The following PPARG variants were observed in gnomAD, a reference collection of about 807,000 sequenced individuals.
PPARG encodes peroxisome proliferator-activated receptor gamma.
PPARG carries 17 observed loss-of-function variants against 39.2 expected under a neutral mutation model. The observed-to-expected ratio is 0.43, with a 90% CI of 0.30 to 0.65. The LOEUF (loss-of-function observed/expected upper bound fraction) is 0.65. PPARG is among the 30% of genes least tolerant of loss of function. The pLI, the probability that PPARG is intolerant of heterozygous loss-of-function variation, is 0.13. For synonymous variants in PPARG, 223 were observed against 215.7 expected (o/e 1.03, Z -0.30); for missense variants, 406 against 585.9 (o/e 0.69, Z 3.17).
intron 2 of PPARG, among the ~76,000 whole-genome samples, chr3:12,347,758 T>A (rs1026800153): frequency 6.6e-6 from 1 of 152,190 alleles, no homozygotes; most frequent in Non-Finnish European, 1.5e-5. Context: ...TCTAAACTCC[T>A]TCTTGAATGA....
chr3:12,424,252 T>C (rs902097422), intron 7 of PPARG, among the ~76,000 whole-genome samples: 13 of 152,234 alleles, frequency 8.5e-5, no homozygotes, highest in South Asian at 4.1e-4. Context: ...AATCATCTGA[T>C]ATACTTTAAA....
intron 1 of PPARG, among the ~76,000 whole-genome samples, chr3:12,298,115 C>T (rs999412261): frequency 5.3e-5 from 8 of 150,222 alleles, no homozygotes; most frequent in Non-Finnish European, 7.4e-5. Flanking sequence ...CCGGCTAAAA[C>T]GGTGAAACCC....
chr3:12,288,923 A>G (rs919315050), upstream of PPARG: 3 of 152,440 alleles, frequency 2.0e-5, no homozygotes, highest in African/African-American at 7.2e-5. Flanking sequence ...AGGTTAACAG[A>G]AATCTCAGGT....
chr3:12,328,208 C>G, intron 2 of PPARG: 1 of 1,489,982 alleles, frequency 6.7e-7, no homozygotes, highest in Middle Eastern at 2.4e-4. Context: ...AAAAGTCCTA[C>G]CTGGAGCGGA....
intron 2 of PPARG, among the ~76,000 whole-genome samples, chr3:12,348,767 A>G (rs1193840761): frequency 2.6e-5 from 4 of 152,238 alleles, no homozygotes; most frequent in Non-Finnish European, 1.5e-5. Flanking sequence ...CATAGGATGA[A>G]TAGCAATAGA....
At chr3:12,416,144 C>T (rs2051048679) in intron 6 of PPARG, among the ~76,000 whole-genome samples, 1 of 152,240 alleles carries the variant, frequency 6.6e-6, no homozygotes, top group Admixed American at 6.5e-5. Flanking sequence ...TTTGGGAGGC[C>T]AAGGCAGGCA....
intron 2 of PPARG, among the ~76,000 whole-genome samples, chr3:12,368,071 G>GT (rs1292880286): frequency 6.6e-6 from 1 of 151,634 alleles, no homozygotes; most frequent in African/African-American, 2.4e-5. Context: ...ATTGAATTTG[G>GT]TTTTGAATAT....
intron 6 of PPARG, among the ~76,000 whole-genome samples, chr3:12,413,007 C>A (rs2050931924): frequency 6.6e-6 from 1 of 152,026 alleles, no homozygotes; most frequent in Non-Finnish European, 1.5e-5. Flanking sequence ...ATGATACTGT[C>A]CAAGCTGATG....
At chr3:12,399,791 CAGG>C (rs1469700216) in intron 5 of PPARG, among the ~76,000 whole-genome samples, 2 of 127,048 alleles carry the variant, frequency 1.6e-5, no homozygotes, top group Admixed American at 9.1e-5. Flanking sequence ...TCACTTGGGC[CAGG>C]AGTTTTGGCG....
intron 7 of PPARG, among the ~76,000 whole-genome samples, chr3:12,424,825 G>A (rs961801623): frequency 2.0e-5 from 3 of 152,094 alleles, no homozygotes; most frequent in Non-Finnish European, 2.9e-5. Flanking sequence ...GTGTGCTTGC[G>A]GCAATTATTT....
chr3:12,333,302 A>C (rs953013709), intron 2 of PPARG, among the ~76,000 whole-genome samples: 1 of 152,200 alleles, frequency 6.6e-6, no homozygotes, highest in Non-Finnish European at 1.5e-5. Flanking sequence ...CTCATTTACA[A>C]CTGAGGAAAC....
chr3:12,328,060 A>G lies in PPARG; in HGVS notation c.-9+15607A>G, dbSNP rs1372954497. 6 of 1,470,268 alleles carry G rather than the reference A, an allele frequency of 4.1e-6. No homozygotes were observed. The East Asian group carries it at 1.4e-4, about 33-fold the overall frequency. 91.1% of individuals were successfully genotyped at this position (1,470,268 alleles called of 1,614,324 possible). Reference sequence around the variant, plus strand: ...GCATGCACATCTTACAGATACAGAGATCATGACTTTGGTAGATGAGACTAA... The same window carrying G: ...GCATGCACATCTTACAGATACAGAGGTCATGACTTTGGTAGATGAGACTAA... On this transcript the variant is annotated intron_variant, in intron 2 of 7. Transcript: ENST00000651735.
At position 12,392,647 on chromosome 3, in the gene PPARG, A is replaced by T; in HGVS notation, c.424A>T (p.Ile142Phe). 6.2e-7 allele frequency: 1 copy of T among 1,613,968 alleles called. No individual in the cohort carries two copies. Among genetic ancestry groups the T allele is most frequent in the Non-Finnish European group, 8.5e-7 (1 of 1,179,868 alleles). ...FFRRTIRLKL[I>F]YDRCDLNCRI... is the part of the protein sequence containing the mutation. ...CCGGAGAACAATCAGATTGAAGCTT[A>T]TCTATGACAGATGTGATCTTAACTG... The change falls in exon 5 of 8, where the codon ATC becomes TTC. Residue 142 changes from isoleucine to phenylalanine, a missense_variant. Coordinates refer to ENST00000651735, the MANE Select transcript of PPARG (RefSeq NM_138711.6).
In PPARG at chr3:12,380,215, T is replaced by C. The variant is rs1052637899; in HGVS notation, c.220+284T>C. The stretch of plus-strand genomic sequence containing the variant: ...GGGACATTTTCTACCTTGATTACAC[T>C]GTCAGTTGTATCTCAGGCTAAGAGT... On this transcript the variant is annotated intron_variant, in intron 3 of 7. Coordinates refer to ENST00000651735, the MANE Select transcript of PPARG (RefSeq NM_138711.6). Among the ~76,000 whole-genome samples the C allele has an allele frequency of 4.0e-4, 60 of 151,320 alleles. 1 individual carries two copies. Among genetic ancestry groups the C allele is most frequent in the African/African-American group, 1.3e-3 (54 of 41,280 alleles).
chr3:12,329,615 AT>A (rs200375287), intron 2 of PPARG, among the ~76,000 whole-genome samples: 25 of 151,400 alleles, frequency 1.7e-4, no homozygotes, highest in Admixed American at 5.3e-4. Flanking sequence ...CCATTCTATC[AT>A]TTTTTTTTAT....
chr3:12,368,257 C>A (rs1490731051), intron 2 of PPARG, among the ~76,000 whole-genome samples: 1 of 148,058 alleles, frequency 6.8e-6, no homozygotes, highest in Admixed American at 6.9e-5. Flanking sequence ...ACTCGGCTCA[C>A]TGCAACCTCC....
chr3:12,288,543 CG>C (rs1411813067), upstream of PPARG, among the ~76,000 whole-genome samples: 1 of 151,934 alleles, frequency 6.6e-6, no homozygotes, highest in Non-Finnish European at 1.5e-5. Context: ...TGTCTGGACC[CG>C]GGGAAGCGAA....
At chr3:12,424,261 AACATAT>A (rs1218179684) in intron 7 of PPARG, among the ~76,000 whole-genome samples, 2 of 152,214 alleles carry the variant, frequency 1.3e-5, no homozygotes, top group Non-Finnish European at 2.9e-5. Flanking sequence ...ATATACTTTA[AACATAT>A]ACATATACAG....
intron 2 of PPARG, among the ~76,000 whole-genome samples, chr3:12,354,843 A>G (rs1370046265): frequency 6.6e-6 from 1 of 152,146 alleles, no homozygotes; most frequent in African/African-American, 2.4e-5. Flanking sequence ...TTATTGCACA[A>G]GAGTAAGTGG....
Sources: allele counts gnomAD v4.1 joint callset (sites outside exome capture counted in the v4.1 genomes callset), GRCh38; gene constraint gnomAD v4.1.1; transcripts MANE v1.5; gene names NCBI Gene and HGNC (gene_info 2026-07-23, HGNC 2026-07-21).